The following CWC27 variants were observed in gnomAD, a reference collection of about 807,000 sequenced individuals.
CWC27 encodes the protein spliceosome-associated protein CWC27 homolog.
Under a neutral mutation model 63.6 loss-of-function variants are expected in CWC27, and 47 were observed. The ratio of observed to expected loss-of-function variants is 0.74; its 90% CI spans 0.58 to 0.94. The LOEUF is 0.94. Among genes scored for constraint, CWC27 ranks in the 40% least tolerant of loss-of-function variants. The pLI, the probability that CWC27 is intolerant of heterozygous loss-of-function variation, is 0.00. For missense variants in CWC27, 495 were observed against 554.3 expected, an observed-to-expected ratio of 0.89 and a Z score of 1.07; for synonymous variants, 175 against 179.8, an observed-to-expected ratio of 0.97 and a Z score of 0.22.
chr5:64,789,095 C>A, intron 7 of CWC27, 75 bp downstream of exon 7: 1 of 920,298 alleles, frequency 1.1e-6, no homozygotes, highest in Non-Finnish European at 1.7e-6. Flanking sequence ...ATTGTATCTC[C>A]TGCTATATCT....
At chr5:64,878,773 A>G (rs1364315178) in intron 10 of CWC27, among the ~76,000 whole-genome samples, 2 of 151,970 alleles carry the variant, frequency 1.3e-5, no homozygotes, top group African/African-American at 4.8e-5. Flanking sequence ...AAAGTTTGCC[A>G]TGGTAATTAT....
At chr5:64,954,369 G>A (rs1265836311) in intron 11 of CWC27, among the ~76,000 whole-genome samples, 1 of 152,056 alleles carries the variant, frequency 6.6e-6, no homozygotes, top group Non-Finnish European at 1.5e-5. Flanking sequence ...GCTCACTGCA[G>A]CCTGGTACTC....
At chr5:64,996,017 A>G (rs1304356293) in intron 13 of CWC27, among the ~76,000 whole-genome samples, 1 of 152,252 alleles carries the variant, frequency 6.6e-6, no homozygotes, top group Non-Finnish European at 1.5e-5. Context: ...AAAAGATCAC[A>G]TGTGGAAAAT....
intron 13 of CWC27, among the ~76,000 whole-genome samples, chr5:64,980,314 A>T (rs954592991): frequency 3.3e-4 from 51 of 152,304 alleles, no homozygotes; most frequent in African/African-American, 1.2e-3. Context: ...TATGAAACCG[A>T]TTAGACACAT....
At chr5:64,810,815 T>A (rs1388537895) in intron 10 of CWC27, among the ~76,000 whole-genome samples, 1 of 152,100 alleles carries the variant, frequency 6.6e-6, no homozygotes, top group Non-Finnish European at 1.5e-5. Flanking sequence ...GTGGATGATA[T>A]TTTGTAGGGT....
At chr5:64,862,003 A>G (rs1746423947) in intron 10 of CWC27, among the ~76,000 whole-genome samples, 2 of 152,220 alleles carry the variant, frequency 1.3e-5, no homozygotes, top group Admixed American at 6.5e-5. Flanking sequence ...ATTTTAGGGG[A>G]AAGTTTTGTG....
At chr5:65,007,009 AG>A (rs1749858025) in intron 13 of CWC27, among the ~76,000 whole-genome samples, 2 of 151,304 alleles carry the variant, frequency 1.3e-5, no homozygotes, top group Non-Finnish European at 2.9e-5. Flanking sequence ...AAAGAAAGAA[AG>A]AAAGAAAGAA....
chr5:64,868,698 C>A (rs1181153848), intron 10 of CWC27, among the ~76,000 whole-genome samples: 2 of 152,054 alleles, frequency 1.3e-5, no homozygotes, highest in Non-Finnish European at 2.9e-5. Context: ...TTCAACCTGA[C>A]CCTATTTTCT....
rs553502422 is a variant in CWC27, at chr5:64,971,041, T to C, written c.1043-662T>C. 2.0e-5 allele frequency among the ~76,000 whole-genome samples: 3 copies of C among 151,718 alleles called. No individual in the cohort carries two copies. In the East Asian group the frequency reaches 5.8e-4, roughly 29 times the overall value. On this transcript the variant is annotated intron_variant, in intron 11 of 13. Coordinates refer to ENST00000381070, the MANE Select transcript of CWC27 (RefSeq NM_005869.4). ...CATTGATATTTACACATGTGAGGTA[T>C]TATAAAATGTTACTAGTTGGGTTTG... is the stretch of plus-strand genomic sequence containing the variant.
At chr5:64,808,120 T>A (rs1744752998) in intron 10 of CWC27, 11 of 1,102,560 alleles carry the variant, frequency 1.0e-5, no homozygotes, top group Non-Finnish European at 1.0e-5. Flanking sequence ...AGCATTAGTA[T>A]CACTTGGGAA....
chr5:64,950,857 T>C (rs895716340), intron 11 of CWC27, among the ~76,000 whole-genome samples: 3 of 152,000 alleles, frequency 2.0e-5, no homozygotes, highest in Non-Finnish European at 4.4e-5. Flanking sequence ...TTTCCTATTT[T>C]CAGAATTTCA....
chr5:64,840,363 A>T (rs1447258207), intron 10 of CWC27, among the ~76,000 whole-genome samples: 8 of 13,874 alleles, frequency 5.8e-4, no homozygotes, highest in African/African-American at 1.5e-3. Context: ...CTTTTTCATT[A>T]AAAAAAAAAA....
At chr5:64,977,899 C>G (rs1428399889) in intron 13 of CWC27, among the ~76,000 whole-genome samples, 1 of 151,592 alleles carries the variant, frequency 6.6e-6, no homozygotes, top group Admixed American at 6.6e-5. Context: ...ATTAAGCCTC[C>G]CCACACCTAA....
chr5:64,925,978 A>G (rs149846907), intron 11 of CWC27, among the ~76,000 whole-genome samples: 126 of 152,204 alleles, frequency 8.3e-4, no homozygotes, highest in Non-Finnish European at 1.5e-3. Context: ...TTCTTAAACT[A>G]CCTTAGATCC....
chr5:64,917,794 A>G (rs991443145), intron 11 of CWC27, among the ~76,000 whole-genome samples: 4 of 152,112 alleles, frequency 2.6e-5, no homozygotes, highest in African/African-American at 4.8e-5. Context: ...TGGAACTTAC[A>G]CTATCAGCTC....
intron 11 of CWC27, among the ~76,000 whole-genome samples, chr5:64,971,158 G>T (rs901162137): frequency 6.6e-6 from 1 of 152,114 alleles, no homozygotes; most frequent in African/African-American, 2.4e-5. Context: ...CAAACCTATA[G>T]ATTTGTTTTC....
chr5:64,883,694 T>C (rs764302629), intron 10 of CWC27, among the ~76,000 whole-genome samples: 2 of 152,176 alleles, frequency 1.3e-5, no homozygotes, highest in Non-Finnish European at 2.9e-5. Flanking sequence ...TTCAGTAGAC[T>C]GTAAGAGGGA....
intron 10 of CWC27, among the ~76,000 whole-genome samples, chr5:64,854,540 T>G (rs868614207): frequency 2.0e-5 from 3 of 152,232 alleles, no homozygotes; most frequent in South Asian, 2.1e-4. Context: ...TGCAAAAAAC[T>G]ATACATAACA....
chr5:64,804,124 A>AC, intron 9 of CWC27, 105 bp from the exon 10 acceptor site: 4 of 1,023,912 alleles, frequency 3.9e-6, no homozygotes, highest in Non-Finnish European at 2.7e-6. Context: ...TAAAAAAAAA[A>AC]ACCTAGTTTA....
Sources: gnomAD v4.1 joint callset for allele counts (sites outside exome capture counted in the v4.1 genomes callset) on GRCh38, gnomAD v4.1.1 for gene constraint, MANE v1.5 for transcripts, NCBI Gene and HGNC (gene_info 2026-07-23, HGNC 2026-07-21) for gene names.